The following BPI variants were observed in gnomAD, a reference collection of about 807,000 sequenced individuals.
The protein encoded by BPI is bactericidal permeability-increasing protein.
Under a neutral mutation model 57.6 loss-of-function variants are expected in BPI, and 48 were observed. The observed-to-expected ratio is 0.83, with a 90% confidence interval of 0.66 to 1.06. The LOEUF (loss-of-function observed/expected upper bound fraction) is 1.06. Among genes scored for constraint, BPI ranks in the 50% least tolerant of loss-of-function variants. The pLI, the probability that BPI is intolerant of heterozygous loss-of-function variation, is 0.00. For synonymous variants in BPI, 237 were observed against 238.2 expected (o/e 0.99, Z 0.05); for missense variants, 651 against 609.7 (o/e 1.07, Z -0.71).
chr20:38,324,494 T>C (rs535037899), intron 8 of BPI, among the ~76,000 whole-genome samples: 2 of 152,134 alleles, frequency 1.3e-5, no homozygotes, highest in Non-Finnish European at 2.9e-5. Flanking sequence ...TGGGGCATCC[T>C]ATGAGATTGG....
chr20:38,331,493 C>A (rs72623593), intron 12 of BPI, among the ~76,000 whole-genome samples: 13,924 of 152,094 alleles, frequency 0.092, 1,460 homozygotes, highest in East Asian at 0.4. Flanking sequence ...GCTGATGCAT[C>A]AGACAGGGAA....
chr20:38,311,744 G>A, intron 4 of BPI, 130 bp from the exon 5 acceptor site: 1 of 776,364 alleles, frequency 1.3e-6, no homozygotes, highest in South Asian at 1.5e-5. Context: ...TGTGCAGTTA[G>A]AGCTCAGAGG....
At chr20:38,314,040 G>A (rs2076635586) in intron 5 of BPI, among the ~76,000 whole-genome samples, 1 of 152,068 alleles carries the variant, frequency 6.6e-6, no homozygotes, top group African/African-American at 2.4e-5. Flanking sequence ...GGATGGTGAT[G>A]GTGATGGTGG....
chr20:38,315,495 C>A (rs147128035), intron 5 of BPI, among the ~76,000 whole-genome samples: 1 of 152,166 alleles, frequency 6.6e-6, no homozygotes, highest in African/African-American at 2.4e-5. Context: ...GGATTTGCTG[C>A]GATCTGGAGC....
At chr20:38,328,627 G>C (rs2076726055) in intron 11 of BPI, among the ~76,000 whole-genome samples, 3 of 151,912 alleles carry the variant, frequency 2.0e-5, no homozygotes. Context: ...AATATGTGTT[G>C]AAGTGTTTAG....
intron 7 of BPI, among the ~76,000 whole-genome samples, chr20:38,323,180 C>T (rs1378898674): frequency 6.6e-6 from 1 of 152,068 alleles, no homozygotes; most frequent in Non-Finnish European, 1.5e-5. Context: ...TCCTTTTTGC[C>T]TGTGTTTTTA....
At chr20:38,313,158 G>A (rs1041770317) in intron 5 of BPI, among the ~76,000 whole-genome samples, 1 of 152,228 alleles carries the variant, frequency 6.6e-6, no homozygotes, top group African/African-American at 2.4e-5. Flanking sequence ...GCCAAGGCAG[G>A]TGGATCAACT....
Position 38,337,231 on chromosome 20 carries a change from G to T in BPI, c.*47G>T. The T allele has an allele frequency of 6.6e-7, 1 of 1,505,968 alleles. No homozygotes were observed. 93.3% of individuals were successfully genotyped at this position (1,505,968 alleles called of 1,614,324 possible). ...CTGTCAGCCACACCTGTTCCTGATG[G>T]GCTGTGGGGCACCGGCTGCCTTTCC... On this transcript the variant is annotated 3_prime_UTR_variant, in exon 15 of 15. Transcript: ENST00000642449.
At chr20:38,322,384 G>A (rs923661240) in intron 7 of BPI, among the ~76,000 whole-genome samples, 1 of 152,202 alleles carries the variant, frequency 6.6e-6, no homozygotes, top group African/African-American at 2.4e-5. Flanking sequence ...CAGTGAATAA[G>A]AAAGGTCTTG....
intron 11 of BPI, 91 bp downstream of exon 11, chr20:38,327,746 C>A: frequency 7.0e-7 from 1 of 1,433,332 alleles, no homozygotes; most frequent in South Asian, 1.2e-5. Flanking sequence ...AGAAGCACTG[C>A]ATTGTTGTTT....
chr20:38,325,822 A>G (rs1319130540), intron 9 of BPI, among the ~76,000 whole-genome samples: 1 of 152,118 alleles, frequency 6.6e-6, no homozygotes, highest in East Asian at 1.9e-4. Flanking sequence ...CTGTGGGTTT[A>G]CCTGGGGGAA....
At chr20:38,334,550 G>T in intron 13 of BPI, 57 bp downstream of exon 13, 1 of 1,544,206 alleles carries the variant, frequency 6.5e-7, no homozygotes, top group Non-Finnish European at 9.0e-7. Context: ...GGGTGGGGTT[G>T]ATTACCCACA....
chr20:38,333,335 G>C (rs766457560), intron 12 of BPI, among the ~76,000 whole-genome samples: 1 of 151,714 alleles, frequency 6.6e-6, no homozygotes, highest in Non-Finnish European at 1.5e-5. Context: ...AAGAGACTCA[G>C]TTGTTCCAGA....
intron 5 of BPI, among the ~76,000 whole-genome samples, chr20:38,313,339 T>C (rs4358187): frequency 0.57 from 82,835 of 144,706 alleles, 23,710 homozygotes; most frequent in African/African-American, 0.65. Context: ...GCCAAGATCA[T>C]GCCATTGCAC....
At chr20:38,311,368 C>T (rs930717898) in intron 4 of BPI, among the ~76,000 whole-genome samples, 3 of 152,144 alleles carry the variant, frequency 2.0e-5, no homozygotes, top group East Asian at 1.9e-4. Context: ...CAAAAGGAGA[C>T]AAGAATTAAG....
chr20:38,317,689 TG>T (rs1568812922), intron 5 of BPI: 2 of 843,638 alleles, frequency 2.4e-6, no homozygotes, highest in Non-Finnish European at 4.0e-6. Context: ...CATCTCTTGG[TG>T]GGGGTGTGGC....
chr20:38,330,914 CCGTG>C, intron 11 of BPI, 130 bp from the exon 12 acceptor site: 1 of 979,604 alleles, frequency 1.0e-6, no homozygotes, highest in South Asian at 1.5e-5. Flanking sequence ...GGGCTGTGAC[CCGTG>C]GAAGGGGAGT....
At chr20:38,307,318 A>C (rs2076601557) in intron 1 of BPI, among the ~76,000 whole-genome samples, 1 of 152,236 alleles carries the variant, frequency 6.6e-6, no homozygotes, top group South Asian at 2.1e-4. Flanking sequence ...AGAACATGAT[A>C]TTGTCTATGG....
chr20:38,315,251 G>A (rs778289491), intron 5 of BPI, among the ~76,000 whole-genome samples: 83 of 152,166 alleles, frequency 5.5e-4, no homozygotes, highest in Non-Finnish European at 5.3e-4. Context: ...CCTCAGAGAT[G>A]AGCCTCTCTC....
Sources: gnomAD v4.1 joint callset for allele counts (sites outside exome capture counted in the v4.1 genomes callset) on GRCh38, gnomAD v4.1.1 for gene constraint, MANE v1.5 for transcripts, NCBI Gene and HGNC (gene_info 2026-07-23, HGNC 2026-07-21) for gene names.